ANKRD13A: variants seen among roughly 807,000 people sequenced by gnomAD.
ANKRD13A encodes ankyrin repeat domain-containing protein 13A.
In ANKRD13A, 48 loss-of-function variants were observed where a neutral mutation model predicts 81.3. That is an observed-to-expected ratio of 0.59 (90% CI 0.47 to 0.75). The LOEUF is 0.75. ANKRD13A is among the 30% of genes least tolerant of loss of function. The pLI is 0.00. For missense variants in ANKRD13A, 612 were observed against 734.0 expected (o/e 0.83, Z 1.92); for synonymous variants, 230 against 270.1 (o/e 0.85, Z 1.45).
chr12:110,027,452 T>C (rs1310387610), intron 8 of ANKRD13A: 2 of 445,550 alleles, frequency 4.5e-6, no homozygotes, highest in Non-Finnish European at 8.2e-6. Flanking sequence ...CAGGTCTGGC[T>C]CACTCCAAAA....
At position 110,038,083 on chromosome 12, in the gene ANKRD13A, TC is replaced by T. The variant is rs1892174231; in HGVS notation, c.*530del. 6.5e-6 allele frequency: 1 copy of T among 152,684 alleles called. No individual in the cohort carries two copies. The highest frequency in any genetic ancestry group is 6.5e-5 in the Admixed American group (1 of 15,290). The allele number at this position is 152,684 out of a possible 1,614,324, so 9.5% of individuals were successfully genotyped here. On this transcript the variant is annotated 3_prime_UTR_variant, in exon 15 of 15. Transcript: ENST00000261739. ...AGGGTTTCTAGGACATTGTCATTATTCTTCCTCCATCTATCTGATTCCATTC... is the reference window on the plus strand; with the variant it reads ...AGGGTTTCTAGGACATTGTCATTATTTTCCTCCATCTATCTGATTCCATTC...
At position 110,024,664 on chromosome 12, in the gene ANKRD13A, TTTGGTG is replaced by T. The variant is rs138423067; in HGVS notation, c.801+557_801+562del. Among the ~76,000 whole-genome samples the T allele has an allele frequency of 9.3e-3, 1,409 of 152,308 alleles. 27 individuals carry two copies. Among genetic ancestry groups the T allele is most frequent in the African/African-American group, 0.032 (1,336 of 41,566 alleles). ...CTCAGTACAACAGGGATTGATGGCT[TTTGGTG>T]TTGGAGCCCAGTGCTGCAGGGTCCT... On this transcript the variant is annotated intron_variant, in intron 7 of 14. Coordinates refer to ENST00000261739, the MANE Select transcript of ANKRD13A (RefSeq NM_033121.2).
In ANKRD13A at chr12:110,037,609, G is replaced by C; in HGVS notation, c.*55G>C. On this transcript the variant is annotated 3_prime_UTR_variant, in exon 15 of 15. Transcript: ENST00000261739. ...GCAGAGGCTGTGGGCTGTCACAGAT[G>C]CTGTGTCAACCAGGGCCCTAGGGCT... is the stretch of plus-strand genomic sequence containing the variant. The C allele has an allele frequency of 3.8e-6, 6 of 1,560,050 alleles. No homozygotes were observed. The highest frequency in any genetic ancestry group is 2.3e-5 in the East Asian group (1 of 44,408).
intron 11 of ANKRD13A, 109 bp downstream of exon 11, chr12:110,029,744 T>A: frequency 7.7e-7 from 1 of 1,290,350 alleles, no homozygotes; most frequent in Non-Finnish European, 1.1e-6. Context: ...TAGGTCAAAG[T>A]AGCTTATAGA....
intron 10 of ANKRD13A, 185 bp from the exon 11 acceptor site, chr12:110,029,293 C>A: frequency 1.8e-6 from 1 of 544,552 alleles, no homozygotes; most frequent in Non-Finnish European, 3.0e-6. Flanking sequence ...GCCTTTATTG[C>A]CAGATTTTAG....
intron 1 of ANKRD13A, among the ~76,000 whole-genome samples, chr12:110,000,755 C>CTTTT (rs34586781): frequency 1.6e-5 from 2 of 125,900 alleles, no homozygotes; most frequent in African/African-American, 3.0e-5. Context: ...TTCTTTCCTT[C>CTTTT]TTTTTTTTTT....
intron 1 of ANKRD13A, among the ~76,000 whole-genome samples, chr12:110,007,476 G>T (rs1189071325): frequency 2.1e-4 from 32 of 152,108 alleles, no homozygotes; most frequent in Admixed American, 2.1e-3. Flanking sequence ...CGTCTCCCAG[G>T]TTCAAGCGAT....
Position 110,019,201 on chromosome 12 carries a change from G to A in ANKRD13A, c.607G>A (p.Asp203Asn), listed in dbSNP as rs59713918. ...CAAAGTGGTCACCACCGAACGCTTC[G>A]ACCTTTCCCAAGAAATGGAGCGCCT... ...DDKVVTTERF[D>N]LSQEMERLTL... Residue 203 changes from aspartate (D) to asparagine (N), a missense_variant, in exon 6 of 15, where the codon GAC becomes AAC. Coordinates refer to ENST00000261739, the MANE Select transcript of ANKRD13A (RefSeq NM_033121.2). 5.0e-6 allele frequency: 8 copies of A among 1,613,938 alleles called. No individual in the cohort carries two copies. Among genetic ancestry groups the A allele is most frequent in the Non-Finnish European group, 6.8e-6 (8 of 1,179,872 alleles).
In ANKRD13A at chr12:110,018,141, T is replaced by C. The variant is rs1890885344; in HGVS notation, c.401-204T>C. ...TCTTGGGAAATTTATTTAGACTTTTTTTCTGGTGAATGGAATGGAAGGTTC... is the reference window on the plus strand; with the variant it reads ...TCTTGGGAAATTTATTTAGACTTTTCTTCTGGTGAATGGAATGGAAGGTTC... On this transcript the variant is annotated intron_variant, in intron 4 of 14. Coordinates refer to ENST00000261739, the MANE Select transcript of ANKRD13A (RefSeq NM_033121.2). The surrounding 1 kb of genome is among the most constrained non-coding windows in gnomAD (Gnocchi z 4.4). 2.0e-5 allele frequency among the ~76,000 whole-genome samples: 3 copies of C among 152,186 alleles called. No homozygotes were observed. The highest frequency in any genetic ancestry group is 4.8e-5 in the African/African-American group (2 of 41,446).
chr12:110,019,034 C>A, intron 5 of ANKRD13A, 105 bp from the exon 6 acceptor site: 1 of 1,237,022 alleles, frequency 8.1e-7, no homozygotes, highest in Non-Finnish European at 1.1e-6. Context: ...CAGATAGCAC[C>A]TGGGAGGACA....
intron 5 of ANKRD13A, 91 bp from the exon 6 acceptor site, chr12:110,019,048 A>G (rs2137126034): frequency 2.2e-6 from 3 of 1,363,816 alleles, no homozygotes; most frequent in Non-Finnish European, 3.0e-6. Flanking sequence ...GAGGACACAC[A>G]TGAAAGATGA....
rs1892245939 is a variant in ANKRD13A, at chr12:110,039,489, C to T, written c.*1935C>T. The T allele has an allele frequency of 6.6e-6, 1 of 152,238 alleles. No individual in the cohort carries two copies. The highest frequency in any genetic ancestry group is 1.5e-5 in the Non-Finnish European group (1 of 68,048). The allele number at this position is 152,238 out of a possible 1,614,324, so 9.4% of individuals were successfully genotyped here. A position where few individuals can be genotyped will look rare whatever the true frequency, so the allele number is the denominator to read the frequency against. On this transcript the variant is annotated 3_prime_UTR_variant, in exon 15 of 15. Transcript: ENST00000261739. ...TTTTTCTAGTCACTGGATGTACCCA[C>T]ACTTCCTGTTACGTATGTCAGTAGA...
chr12:110,019,421 G>T, intron 6 of ANKRD13A, 93 bp downstream of exon 6: 1 of 1,258,492 alleles, frequency 7.9e-7, no homozygotes. Flanking sequence ...GGATGGATTG[G>T]GCTTTTTCTA....
At chr12:110,029,189 C>A in intron 10 of ANKRD13A, 1 of 285,714 alleles carries the variant, frequency 3.5e-6, no homozygotes, top group Non-Finnish European at 6.5e-6. Context: ...TTCAGCTGAT[C>A]AAATTCAAAT....
Position 110,002,463 on chromosome 12 carries a change from A to G in ANKRD13A, c.96+2679A>G, listed in dbSNP as rs577806972. ...GAAACCCCGTCTCTACTAAAAATAC[A>G]AAAATAGCTGGATGTGGTGGCACGT... On this transcript the variant is annotated intron_variant, in intron 1 of 14. Transcript: ENST00000261739. 3.3e-5 allele frequency among the ~76,000 whole-genome samples: 5 copies of G among 152,280 alleles called. No homozygotes were observed. The East Asian group carries it at 9.7e-4, about 29-fold the overall frequency.
At chr12:110,027,800 G>A in intron 9 of ANKRD13A, 34 bp downstream of exon 9, 2 of 1,607,452 alleles carry the variant, frequency 1.2e-6, no homozygotes, top group African/African-American at 1.3e-5. Flanking sequence ...ATTGCAGTTA[G>A]ATGAAAGGAA....
chr12:110,002,027 G>A (rs774020765), intron 1 of ANKRD13A, among the ~76,000 whole-genome samples: 3 of 144,722 alleles, frequency 2.1e-5, no homozygotes, highest in South Asian at 2.2e-4. Flanking sequence ...TGATCTGCCC[G>A]CCTCAGCCTC....
At position 110,028,571 on chromosome 12, in the gene ANKRD13A, CT is replaced by C; in HGVS notation, c.1007del (p.Phe336SerfsTer7). The C allele has an allele frequency of 6.2e-7, 1 of 1,614,180 alleles. No individual in the cohort carries two copies. The highest frequency in any genetic ancestry group is 8.5e-7 in the Non-Finnish European group (1 of 1,180,036). ...CCACAGCCATCACGCCTGATGAGTA[CT>C]TCAATGAAGAGTTTGATCTGAAAGA... is the stretch of plus-strand genomic sequence containing the variant. ...NPTAITPDEYFNEEFDLKDRD... is the reference protein window; with the variant it reads ...NPTAITPDEYXNEEFDLKDRD... On this transcript the variant is annotated frameshift_variant, in exon 10 of 15. Transcript: ENST00000261739. LOFTEE classifies it high-confidence loss of function.
At chr12:110,029,681 T>G in intron 11 of ANKRD13A, 46 bp downstream of exon 11, 1 of 1,596,472 alleles carries the variant, frequency 6.3e-7, no homozygotes, top group Non-Finnish European at 8.6e-7. Context: ...TCTGCCCATG[T>G]TTGTGGGTGG....
Sources: gnomAD v4.1 joint callset for allele counts (sites outside exome capture counted in the v4.1 genomes callset) on GRCh38, gnomAD v4.1.1 for gene constraint, Gnocchi (gnomAD v3.1) non-coding constraint, MANE v1.5 for transcripts, NCBI Gene and HGNC (gene_info 2026-07-23, HGNC 2026-07-21) for gene names.